SINHCAF: variants seen among roughly 807,000 people sequenced by gnomAD.
SINHCAF encodes SIN3-HDAC complex-associated factor.
In SINHCAF, 3 loss-of-function variants were observed where a neutral mutation model predicts 25.8. The ratio of observed to expected loss-of-function variants is 0.12; its 90% CI spans 0.05 to 0.30. SINHCAF has a LOEUF of 0.30. SINHCAF is among the 10% of genes least tolerant of loss of function. SINHCAF has a pLI of 1.00. For synonymous variants in SINHCAF, 70 were observed against 85.5 expected, an observed-to-expected ratio of 0.82 and a Z score of 1.00; for missense variants, 121 against 262.3, an observed-to-expected ratio of 0.46 and a Z score of 3.72.
chr12:31,322,988 G>A (rs1181282014), intron 1 of SINHCAF, among the ~76,000 whole-genome samples: 1 of 152,098 alleles, frequency 6.6e-6, no homozygotes, highest in East Asian at 1.9e-4. Context: ...GTAACCAGAA[G>A]GTCAACCACA....
At chr12:31,307,304 G>T (rs548961220) in intron 1 of SINHCAF, among the ~76,000 whole-genome samples, 9 of 152,142 alleles carry the variant, frequency 5.9e-5, no homozygotes, top group Non-Finnish European at 8.8e-5. Flanking sequence ...AGGCACTAGA[G>T]ATCCACAAGT....
intron 1 of SINHCAF, among the ~76,000 whole-genome samples, chr12:31,306,508 C>CA (rs1939032868): frequency 6.6e-6 from 1 of 152,172 alleles, no homozygotes; most frequent in Admixed American, 6.5e-5. Context: ...AGTACCCCCC[C>CA]CTTTTGTTTC....
chr12:31,311,383 T>A (rs1009048816), intron 1 of SINHCAF, among the ~76,000 whole-genome samples: 1 of 152,202 alleles, frequency 6.6e-6, no homozygotes, highest in Admixed American at 6.5e-5. Context: ...ATGACCTGGG[T>A]CATAGATTTT....
rs983903376 is a variant in SINHCAF at position 31,324,010 on chromosome 12, G to T, written c.-21+2014C>A. On this transcript the variant is annotated intron_variant, in intron 1 of 5. Transcript: ENST00000337682. The surrounding 1 kb of genome is among the most constrained non-coding windows in gnomAD (Gnocchi z 5.5). ...GCCGAGAGAGACGCCGAGCCAGCAAGTAAGAATGCTCCCTGGTGGATTTGT... is the reference window on the plus strand; with the variant it reads ...GCCGAGAGAGACGCCGAGCCAGCAATTAAGAATGCTCCCTGGTGGATTTGT... The T allele has an allele frequency of 1.2e-4, 52 of 442,158 alleles. No individual in the cohort carries two copies. Among genetic ancestry groups the T allele is most frequent in the Non-Finnish European group, 2.1e-4 (47 of 226,348 alleles). The allele number at this position is 442,158 out of a possible 1,614,324, so 27.4% of individuals were successfully genotyped here. A position where few individuals can be genotyped will look rare whatever the true frequency, so the allele number is the denominator to read the frequency against.
intron 1 of SINHCAF, among the ~76,000 whole-genome samples, chr12:31,323,251 G>A (rs1452150672): frequency 6.6e-6 from 1 of 152,062 alleles, no homozygotes; most frequent in African/African-American, 2.4e-5. Context: ...GGTTTTCTCC[G>A]AAACTCCACC....
At chr12:31,284,137 C>T (rs1937936551) in intron 5 of SINHCAF, among the ~76,000 whole-genome samples, 2 of 152,284 alleles carry the variant, frequency 1.3e-5, no homozygotes, top group Middle Eastern at 3.4e-3. Flanking sequence ...CATTTATCTA[C>T]ATGGTTATAA....
intron 1 of SINHCAF, chr12:31,311,933 G>A: frequency 1.7e-6 from 1 of 580,714 alleles, no homozygotes; most frequent in Non-Finnish European, 3.3e-6. Flanking sequence ...TCAAGAATGT[G>A]TGGCCTTTTG....
chr12:31,289,851 A>T (rs1028201542), intron 4 of SINHCAF, among the ~76,000 whole-genome samples: 3 of 149,054 alleles, frequency 2.0e-5, no homozygotes, highest in Non-Finnish European at 4.4e-5. Context: ...TTGAGACCGG[A>T]TCTCACTCTG....
chr12:31,298,422 G>A, intron 1 of SINHCAF, 198 bp from the exon 2 acceptor site: 1 of 544,306 alleles, frequency 1.8e-6, no homozygotes, highest in Admixed American at 3.2e-5. Context: ...ACAAAGAAAA[G>A]CCTAGTTATT....
intron 1 of SINHCAF, among the ~76,000 whole-genome samples, chr12:31,310,398 A>G (rs1939218245): frequency 6.6e-6 from 1 of 152,098 alleles, no homozygotes; most frequent in Admixed American, 6.5e-5. Flanking sequence ...AAAACCCCCT[A>G]TTTCCTCAGA....
chr12:31,324,860 G>A lies in SINHCAF; in HGVS notation c.-21+1164C>T, dbSNP rs1939893693. On this transcript the variant is annotated intron_variant, in intron 1 of 5. Coordinates refer to ENST00000337682, the MANE Select transcript of SINHCAF (RefSeq NM_001135812.2). The surrounding 1 kb of genome is among the most constrained non-coding windows in gnomAD (Gnocchi z 5.5). Reference sequence around the variant, plus strand: ...GTGTCCTTGATGAGAAACGCCCGGAGTATCCGCCCCGCACGGGCGGAGAGT... The same window carrying A: ...GTGTCCTTGATGAGAAACGCCCGGAATATCCGCCCCGCACGGGCGGAGAGT... 2.4e-6 allele frequency: 1 copy of A among 421,116 alleles called. No individual in the cohort carries two copies. The highest frequency in any genetic ancestry group is 2.0e-5 in the African/African-American group (1 of 48,984). 26.1% of individuals were successfully genotyped at this position (421,116 alleles called of 1,614,324 possible).
rs530562609 is a variant in SINHCAF at position 31,322,548 on chromosome 12, G to A, written c.-21+3476C>T. ...GGTCAACCAAAACTTGGGAAAAATA[G>A]GTCCAAAGTTTTTCATTTTCCTGAC... is the stretch of plus-strand genomic sequence containing the variant. On this transcript the variant is annotated intron_variant, in intron 1 of 5. Coordinates refer to ENST00000337682, the MANE Select transcript of SINHCAF (RefSeq NM_001135812.2). Among the ~76,000 whole-genome samples the A allele has an allele frequency of 2.0e-5, 3 of 150,624 alleles. No individual in the cohort carries two copies. In the South Asian group the frequency reaches 6.3e-4, roughly 32 times the overall value.
At chr12:31,301,885 T>C (rs1408995361) in intron 1 of SINHCAF, among the ~76,000 whole-genome samples, 2 of 152,186 alleles carry the variant, frequency 1.3e-5, no homozygotes, top group Admixed American at 6.5e-5. Context: ...AACTGGAGAT[T>C]TGTTTTTTCA....
chr12:31,303,317 G>C, intron 1 of SINHCAF: 1 of 764,326 alleles, frequency 1.3e-6, no homozygotes, highest in Non-Finnish European at 1.6e-6. Flanking sequence ...GCATTGGGAA[G>C]GCTCATTCCC....
intron 1 of SINHCAF, among the ~76,000 whole-genome samples, chr12:31,306,167 A>G (rs887902271): frequency 1.3e-5 from 2 of 152,310 alleles, no homozygotes; most frequent in East Asian, 1.9e-4. Flanking sequence ...AAAAACATGC[A>G]TATCATTACC....
intron 4 of SINHCAF, among the ~76,000 whole-genome samples, chr12:31,291,417 G>T (rs919719659): frequency 6.6e-6 from 1 of 152,166 alleles, no homozygotes; most frequent in Non-Finnish European, 1.5e-5. Context: ...TTCAAATCCA[G>T]ATCTGTAACT....
chr12:31,310,552 A>ATT (rs1939224675), intron 1 of SINHCAF, among the ~76,000 whole-genome samples: 1 of 152,174 alleles, frequency 6.6e-6, no homozygotes, highest in African/African-American at 2.4e-5. Context: ...GAGTTTTAAG[A>ATT]GGTTAAGTGT....
At chr12:31,291,222 A>G (rs1455209463) in intron 4 of SINHCAF, among the ~76,000 whole-genome samples, 1 of 152,244 alleles carries the variant, frequency 6.6e-6, no homozygotes, top group African/African-American at 2.4e-5. Flanking sequence ...ATTTTATAGT[A>G]AGCAGAAATC....
intron 4 of SINHCAF, among the ~76,000 whole-genome samples, chr12:31,290,199 G>C (rs1938249691): frequency 6.6e-6 from 1 of 151,824 alleles, no homozygotes; most frequent in African/African-American, 2.4e-5. Context: ...GCCCAGGCTG[G>C]AGTGCAGTGG....
Sources: gnomAD v4.1 joint callset for allele counts (sites outside exome capture counted in the v4.1 genomes callset) on GRCh38, gnomAD v4.1.1 for gene constraint, Gnocchi (gnomAD v3.1) non-coding constraint, MANE v1.5 for transcripts, NCBI Gene and HGNC (gene_info 2026-07-23, HGNC 2026-07-21) for gene names.